MGAT4C: variants seen among roughly 807,000 people sequenced by gnomAD.
The protein encoded by MGAT4C is MGAT4 family member C.
In MGAT4C, 19 loss-of-function variants were observed where a neutral mutation model predicts 40.1. The observed-to-expected ratio is 0.47, with a 90% CI of 0.33 to 0.70. MGAT4C has a LOEUF of 0.70. MGAT4C is among the 30% of genes least tolerant of loss of function. MGAT4C has a pLI of 0.02. For missense variants in MGAT4C, 491 were observed against 563.2 expected (o/e 0.87, Z 1.30); for synonymous variants, 181 against 187.1 (o/e 0.97, Z 0.27).
At chr12:85,992,836 T>C (rs1458902108) in intron 2 of MGAT4C, among the ~76,000 whole-genome samples, 1 of 152,198 alleles carries the variant, frequency 6.6e-6, no homozygotes, top group Non-Finnish European at 1.5e-5. Context: ...ATTCGGACCT[T>C]TGCCGAGACT....
chr12:86,747,507 A>G (rs1565962473), intron 1 of MGAT4C, among the ~76,000 whole-genome samples: 3 of 151,652 alleles, frequency 2.0e-5, no homozygotes, highest in African/African-American at 7.2e-5. Flanking sequence ...AAGTCCTCTA[A>G]AATTTTGTCC....
intron 1 of MGAT4C, among the ~76,000 whole-genome samples, chr12:86,101,665 C>T (rs551404166): frequency 1.3e-5 from 2 of 151,668 alleles, no homozygotes; most frequent in East Asian, 3.9e-4. Flanking sequence ...ATGTAGGTAA[C>T]CAAAATGGTA....
intron 2 of MGAT4C, among the ~76,000 whole-genome samples, chr12:86,492,530 A>C (rs1423585145): frequency 2.0e-5 from 3 of 152,214 alleles, no homozygotes; most frequent in Admixed American, 1.3e-4. Context: ...AACCTGAGAA[A>C]AACAAGCAAT....
chr12:86,642,075 A>C (rs1271832326), intron 2 of MGAT4C, among the ~76,000 whole-genome samples: 1 of 151,872 alleles, frequency 6.6e-6, no homozygotes, highest in African/African-American at 2.4e-5. Context: ...TGACAAATAG[A>C]AAGAGAGTGT....
intron 1 of MGAT4C, among the ~76,000 whole-genome samples, chr12:86,220,241 T>A (rs145827939): frequency 6.6e-6 from 1 of 152,184 alleles, no homozygotes; most frequent in African/African-American, 2.4e-5. Flanking sequence ...TTTCCCAAGA[T>A]CATGGAACAG....
chr12:86,482,099 CACAA>C (rs1565791734), intron 2 of MGAT4C, among the ~76,000 whole-genome samples: 2 of 151,566 alleles, frequency 1.3e-5, no homozygotes, highest in African/African-American at 2.4e-5. Context: ...CACACACACA[CACAA>C]GCAAGTCTTC....
At chr12:86,525,363 G>T (rs747051119) in intron 2 of MGAT4C, among the ~76,000 whole-genome samples, 6 of 152,176 alleles carry the variant, frequency 3.9e-5, no homozygotes, top group Non-Finnish European at 7.3e-5. Flanking sequence ...ACATGGAACT[G>T]GAAGTTGATT....
At chr12:86,481,809 G>T (rs1052028987) in intron 2 of MGAT4C, among the ~76,000 whole-genome samples, 1 of 151,524 alleles carries the variant, frequency 6.6e-6, no homozygotes, top group Admixed American at 6.6e-5. Context: ...AAGAGATGGG[G>T]TCTTGCTATG....
chr12:86,700,100 GAT>G (rs1950331951), intron 2 of MGAT4C, among the ~76,000 whole-genome samples: 2 of 137,688 alleles, frequency 1.5e-5, no homozygotes, highest in African/African-American at 5.3e-5. Context: ...ATGATAGATA[GAT>G]AGATGATAGA....
At chr12:86,687,465 T>C (rs991434965) in intron 2 of MGAT4C, among the ~76,000 whole-genome samples, 9 of 152,224 alleles carry the variant, frequency 5.9e-5, no homozygotes, top group Non-Finnish European at 1.2e-4. Flanking sequence ...CTTTCTCATG[T>C]GGGCAGTTAG....
At chr12:86,678,970 G>C (rs1198066873) in intron 2 of MGAT4C, among the ~76,000 whole-genome samples, 1 of 152,018 alleles carries the variant, frequency 6.6e-6, no homozygotes, top group African/African-American at 2.4e-5. Flanking sequence ...GGGTCAAATG[G>C]TATTTCTAGC....
Position 86,430,580 on chromosome 12 carries a change from T to C in MGAT4C, c.-120+4577A>G, listed in dbSNP as rs566709894. ...TGGGAACACTGGCTTTGTTTGGCTA[T>C]AAAGTGGAGTTGCTGGGTGAGTACT... On this transcript the variant is annotated intron_variant, in intron 3 of 7. Transcript: ENST00000548651. Among the ~76,000 whole-genome samples, 6 of 152,242 alleles carry C rather than the reference T, an allele frequency of 3.9e-5. No individual in the cohort carries two copies. In the South Asian group the frequency reaches 1.0e-3, roughly 26 times the overall value.
At chr12:86,245,963 C>A (rs1423347822) in intron 1 of MGAT4C, among the ~76,000 whole-genome samples, 1 of 152,072 alleles carries the variant, frequency 6.6e-6, no homozygotes, top group Non-Finnish European at 1.5e-5. Flanking sequence ...TACAGTTTTA[C>A]ATATTTAAAT....
At chr12:86,118,875 G>A (rs535928541) in intron 1 of MGAT4C, among the ~76,000 whole-genome samples, 180 of 152,156 alleles carry the variant, frequency 1.2e-3, no homozygotes, top group Non-Finnish European at 1.8e-3. Context: ...TCTGGAAAGA[G>A]TATTTTCATG....
intron 2 of MGAT4C, among the ~76,000 whole-genome samples, chr12:86,586,077 T>A (rs1267481381): frequency 6.8e-6 from 1 of 146,376 alleles, no homozygotes; most frequent in African/African-American, 2.5e-5. Flanking sequence ...ATTAGGTATA[T>A]CTCCTAAAGC....
chr12:86,556,351 T>C (rs906623275), intron 2 of MGAT4C, among the ~76,000 whole-genome samples: 1 of 152,192 alleles, frequency 6.6e-6, no homozygotes, highest in Non-Finnish European at 1.5e-5. Flanking sequence ...AAGAAACTTT[T>C]CAACATGGAG....
chr12:85,983,699 T>C (rs1204302370), intron 3 of MGAT4C, 29 bp from the exon 4 acceptor site: 2 of 1,497,618 alleles, frequency 1.3e-6, no homozygotes, highest in Admixed American at 2.3e-5. Flanking sequence ...GCAAGGAAAA[T>C]ATATAAATAA....
intron 1 of MGAT4C, among the ~76,000 whole-genome samples, chr12:86,763,921 T>C (rs1951450502): frequency 6.6e-6 from 1 of 152,084 alleles, no homozygotes; most frequent in South Asian, 2.1e-4. Flanking sequence ...TGTCTACAGC[T>C]CCCAGCATGA....
chr12:86,590,421 A>G (rs983848380), intron 2 of MGAT4C, among the ~76,000 whole-genome samples: 1 of 151,868 alleles, frequency 6.6e-6, no homozygotes, highest in African/African-American at 2.4e-5. Flanking sequence ...CCTGCTCACT[A>G]CATATGGCTT....
Sources: gnomAD v4.1 joint callset for allele counts (sites outside exome capture counted in the v4.1 genomes callset) on GRCh38, gnomAD v4.1.1 for gene constraint, MANE v1.5 for transcripts, NCBI Gene and HGNC (gene_info 2026-07-23, HGNC 2026-07-21) for gene names.